PFKFB4: variants seen among roughly 807,000 people sequenced by gnomAD.
PFKFB4 encodes 6-phosphofructo-2-kinase/fructose-2,6-biphosphatase 4.
In PFKFB4, 42 loss-of-function variants were observed where a neutral mutation model predicts 62.8. The ratio of observed to expected loss-of-function variants is 0.67; its 90% CI spans 0.52 to 0.86. PFKFB4 has a LOEUF of 0.86. PFKFB4 is among the 40% of genes least tolerant of loss of function. PFKFB4 has a pLI of 0.00. For synonymous variants in PFKFB4, 204 were observed against 240.7 expected (o/e 0.85, Z 1.41); for missense variants, 475 against 627.2 (o/e 0.76, Z 2.59).
At chr3:48,533,456 A>C (rs2042491379) in intron 9 of PFKFB4, among the ~76,000 whole-genome samples, 1 of 152,212 alleles carries the variant, frequency 6.6e-6, no homozygotes, top group South Asian at 2.1e-4. Context: ...CCACAGAAAA[A>C]GCTTTTCATA....
intron 10 of PFKFB4, among the ~76,000 whole-genome samples, chr3:48,524,843 T>C (rs1025690629): frequency 3.3e-5 from 5 of 152,164 alleles, no homozygotes; most frequent in African/African-American, 1.2e-4. Context: ...TGGAAGGAGA[T>C]GCCTCAGTCA....
intron 3 of PFKFB4, 130 bp downstream of exon 3, chr3:48,549,734 A>G (rs1357176357): frequency 7.3e-6 from 5 of 682,962 alleles, no homozygotes; most frequent in Non-Finnish European, 1.1e-5. Flanking sequence ...GCCAGGGCTC[A>G]GGAGTAGCTC....
At chr3:48,545,030 A>T (rs928480465) in intron 3 of PFKFB4, among the ~76,000 whole-genome samples, 1 of 152,072 alleles carries the variant, frequency 6.6e-6, no homozygotes, top group Non-Finnish European at 1.5e-5. Flanking sequence ...AGCCAGGATT[A>T]TTCTCATCAA....
chr3:48,531,211 T>A (rs1038532399), intron 9 of PFKFB4, among the ~76,000 whole-genome samples: 36 of 151,782 alleles, frequency 2.4e-4, no homozygotes, highest in African/African-American at 6.5e-4. Flanking sequence ...AAAAATTTTT[T>A]AAATTTAGGA....
rs772927936 is a variant in PFKFB4 at position 48,536,317 on chromosome 3, C to G, written c.779G>C (p.Ser260Thr). The G allele has an allele frequency of 1.1e-5, 18 of 1,614,120 alleles. No individual in the cohort carries two copies. Among genetic ancestry groups the G allele is most frequent in the Non-Finnish European group, 1.5e-5 (18 of 1,180,056 alleles). The change falls in exon 8 of 14, where the codon AGC (serine) becomes ACC (threonine). Residue 260 changes from serine (S) to threonine (T), a missense_variant. Physicochemically the swap from Ser to Thr is moderately conservative, Grantham distance 58. Coordinates refer to ENST00000232375, the MANE Select transcript of PFKFB4 (RefSeq NM_004567.4). ...AATCCGGCCCTTGAGGTTGAGCTCGCTCTCCCCGTGCCGGCAGAGGTAGAT... is the reference window on the plus strand; with the variant it reads ...AATCCGGCCCTTGAGGTTGAGCTCGGTCTCCCCGTGCCGGCAGAGGTAGAT... ...RSIYLCRHGE[S>T]ELNLKGRIGG...
chr3:48,523,485 A>C, intron 12 of PFKFB4, 52 bp downstream of exon 12: 4 of 1,512,250 alleles, frequency 2.6e-6, no homozygotes, highest in African/African-American at 1.4e-5. Context: ...GGAACTGTGC[A>C]GAGATCCAAG....
intron 3 of PFKFB4, among the ~76,000 whole-genome samples, chr3:48,547,147 G>A (rs1004920060): frequency 2.0e-5 from 3 of 152,220 alleles, no homozygotes; most frequent in African/African-American, 7.2e-5. Context: ...GCTCAGGTGT[G>A]TGTGTATATA....
At chr3:48,534,688 GAAGAA>G (rs1298219037) in intron 9 of PFKFB4, among the ~76,000 whole-genome samples, 132 of 145,204 alleles carry the variant, frequency 9.1e-4, no homozygotes, top group African/African-American at 3.3e-3. Flanking sequence ...AAAAAAAAAA[GAAGAA>G]AAGAAAATAT....
chr3:48,545,140 T>G (rs997869244), intron 3 of PFKFB4, among the ~76,000 whole-genome samples: 2 of 151,892 alleles, frequency 1.3e-5, no homozygotes, highest in Non-Finnish European at 2.9e-5. Context: ...CTTTGTGTTT[T>G]TTGTTTTTTG....
chr3:48,554,643 G>C (rs1322343387), intron 1 of PFKFB4, among the ~76,000 whole-genome samples: 1 of 152,174 alleles, frequency 6.6e-6, no homozygotes, highest in Non-Finnish European at 1.5e-5. Flanking sequence ...TGTAACGGGG[G>C]TTGGCTTGGA....
chr3:48,559,622 G>A (rs1560186584), upstream of PFKFB4: 1 of 456,836 alleles, frequency 2.2e-6, no homozygotes, highest in East Asian at 6.9e-5. Flanking sequence ...TTCCTCCTCA[G>A]TATATCCGAA....
At position 48,521,685 on chromosome 3, in the gene PFKFB4, C is replaced by A. The variant is rs61382026; in HGVS notation, c.1350+301G>T. 1.3e-5 allele frequency among the ~76,000 whole-genome samples: 2 copies of A among 152,186 alleles called. No individual in the cohort carries two copies. The highest frequency in any genetic ancestry group is 4.8e-5 in the African/African-American group (2 of 41,456). On this transcript the variant is annotated intron_variant, in intron 13 of 13. Transcript: ENST00000232375. The surrounding 1 kb of genome is among the most constrained non-coding windows in gnomAD (Gnocchi z 5.3). ...CTTGACTTAGACCTCCAAGTTGCTG[C>A]TTGGGAGCCCTGTGGCTCCTCAAGT...
At chr3:48,553,580 G>A (rs2043220582) in intron 1 of PFKFB4, among the ~76,000 whole-genome samples, 1 of 152,198 alleles carries the variant, frequency 6.6e-6, no homozygotes, top group Non-Finnish European at 1.5e-5. Flanking sequence ...TAAATTCGCT[G>A]CAGGCCCCAT....
In PFKFB4 at chr3:48,521,121, T is replaced by C. The variant is rs1363390254; in HGVS notation, c.1350+865A>G. Among the ~76,000 whole-genome samples the C allele has an allele frequency of 6.6e-6, 1 of 152,190 alleles. No homozygotes were observed. The highest frequency in any genetic ancestry group is 2.4e-5 in the African/African-American group (1 of 41,440). The stretch of plus-strand genomic sequence containing the variant: ...ACAGGACACATCTACACACCTGTGC[T>C]GTGAGGTCCAAGGCCAGATGTCCTG... On this transcript the variant is annotated intron_variant, in intron 13 of 13. Transcript: ENST00000232375. The surrounding 1 kb of genome is among the most constrained non-coding windows in gnomAD (Gnocchi z 5.3).
chr3:48,561,170 C>T (rs1403553502), upstream of PFKFB4: 2 of 1,020,970 alleles, frequency 2.0e-6, no homozygotes, highest in East Asian at 7.5e-5. The surrounding 1 kb of genome is among the most constrained non-coding windows in gnomAD (Gnocchi z 5.2). Context: ...AGTGGGGTAA[C>T]CCCGCCTAGC....
At position 48,535,555 on chromosome 3, in the gene PFKFB4, C is replaced by G. The variant is rs1374816757; in HGVS notation, c.944G>C (p.Gly315Ala). 1.2e-6 allele frequency: 2 copies of G among 1,614,132 alleles called. No homozygotes were observed. The highest frequency in any genetic ancestry group is 2.2e-5 in the South Asian group (2 of 91,074). ...KRTIQTAEAL[G>A]VPYEQWKVLN... ...GACCTTCCACTGTTCATAGGGCACA[C>G]CCAGTGCCTCAGCCGTCTGGATTGT... The change falls in exon 9 of 14, where the codon GGT becomes GCT. Residue 315 changes from glycine (G) to alanine (A), a missense_variant. By Grantham distance (60) the Gly-to-Ala change is moderately conservative. Coordinates refer to ENST00000232375, the MANE Select transcript of PFKFB4 (RefSeq NM_004567.4).
chr3:48,548,387 G>C (rs916703175), intron 3 of PFKFB4: 1 of 152,166 alleles, frequency 6.6e-6, no homozygotes, highest in Non-Finnish European at 1.5e-5. Context: ...GCTTGAACCT[G>C]GGAGGCGGAG....
intron 13 of PFKFB4, 58 bp from the exon 14 acceptor site, chr3:48,519,864 T>C: frequency 3.0e-6 from 4 of 1,351,436 alleles, no homozygotes; most frequent in Non-Finnish European, 4.2e-6. Flanking sequence ...AGATGCCTGC[T>C]GTCTGCCGTC....
chr3:48,524,790 G>T lies in PFKFB4; in HGVS notation c.1092+775C>A, dbSNP rs543182018. 1.4e-4 allele frequency among the ~76,000 whole-genome samples: 22 copies of T among 152,292 alleles called. No homozygotes were observed. The East Asian group carries it at 2.9e-3, about 20-fold the overall frequency. On this transcript the variant is annotated intron_variant, in intron 10 of 13. Transcript: ENST00000232375. Reference sequence around the variant, plus strand: ...ATGTGTACATATGTGTGTTGACGGGGTGTATTTTTATTTGGCCCCTGCCCC... The same window carrying T: ...ATGTGTACATATGTGTGTTGACGGGTTGTATTTTTATTTGGCCCCTGCCCC...
Sources: gnomAD v4.1 joint callset for allele counts (sites outside exome capture counted in the v4.1 genomes callset) on GRCh38, gnomAD v4.1.1 for gene constraint, Gnocchi (gnomAD v3.1) non-coding constraint, MANE v1.5 for transcripts, NCBI Gene and HGNC (gene_info 2026-07-23, HGNC 2026-07-21) for gene names.